SLIT2: variants seen among roughly 807,000 people sequenced by gnomAD.
SLIT2 encodes slit homolog 2 protein.
A neutral mutation model predicts 185.7 loss-of-function variants in SLIT2; 41 were observed. The observed-to-expected ratio is 0.22, with a 90% CI of 0.17 to 0.29. SLIT2 has a LOEUF of 0.29. Ranked by LOEUF, SLIT2 falls within the 10% of genes least tolerant of loss-of-function variation. The pLI is 1.00. For synonymous variants in SLIT2, 693 were observed against 680.2 expected, an observed-to-expected ratio of 1.02 and a Z score of -0.29; for missense variants, 1,571 against 1,909.0, an observed-to-expected ratio of 0.82 and a Z score of 3.30.
intron 4 of SLIT2, among the ~76,000 whole-genome samples, chr4:20,377,322 A>G (rs1039337467): frequency 6.6e-6 from 1 of 152,186 alleles, no homozygotes; most frequent in East Asian, 1.9e-4. Flanking sequence ...GAAAGTGAAT[A>G]CATCTATTAA....
At chr4:20,423,578 T>TC (rs1728325361) in intron 4 of SLIT2, among the ~76,000 whole-genome samples, 1 of 152,110 alleles carries the variant, frequency 6.6e-6, no homozygotes, top group Admixed American at 6.6e-5. Context: ...GGAGAAGTGG[T>TC]AGAATTCTCA....
intron 4 of SLIT2, among the ~76,000 whole-genome samples, chr4:20,451,726 T>C (rs1712498820): frequency 6.6e-6 from 1 of 152,234 alleles, no homozygotes; most frequent in Admixed American, 6.5e-5. Context: ...AAGTGCCTTT[T>C]TGGAACAGTA....
At chr4:20,604,838 A>ATTT (rs780230047) in intron 33 of SLIT2, among the ~76,000 whole-genome samples, 1 of 141,908 alleles carries the variant, frequency 7.0e-6, no homozygotes, top group Non-Finnish European at 1.5e-5. Context: ...AGATACTTTA[A>ATTT]TTTTTTTTTT....
Position 20,511,764 on chromosome 4 carries a change from T to C in SLIT2, c.1058+627T>C, listed in dbSNP as rs149959930. 4.7e-3 allele frequency among the ~76,000 whole-genome samples: 718 copies of C among 151,738 alleles called. 9 individuals carry two copies. Among genetic ancestry groups the C allele is most frequent in the Admixed American group, 8.9e-3 (135 of 15,212 alleles). Reference sequence around the variant, plus strand: ...TTCTAAAAGAAAAAGAAAATATTTATTTTGGAAAGCATGTAGCTAGTATCT... The same window carrying C: ...TTCTAAAAGAAAAAGAAAATATTTACTTTGGAAAGCATGTAGCTAGTATCT... On this transcript the variant is annotated intron_variant, in intron 11 of 36. Coordinates refer to ENST00000504154, the MANE Select transcript of SLIT2 (RefSeq NM_004787.4).
At chr4:20,362,945 G>A (rs1405410800) in intron 4 of SLIT2, among the ~76,000 whole-genome samples, 1 of 151,376 alleles carries the variant, frequency 6.6e-6, no homozygotes, top group East Asian at 1.9e-4. Context: ...TTTAAAAAAG[G>A]GATTTTAATG....
intron 4 of SLIT2, among the ~76,000 whole-genome samples, chr4:20,457,410 T>C (rs1713195530): frequency 6.6e-6 from 1 of 151,884 alleles, no homozygotes; most frequent in African/African-American, 2.4e-5. Context: ...AGTAGGAGGA[T>C]TAACCAATTA....
chr4:20,358,956 T>C (rs148654682), intron 4 of SLIT2, among the ~76,000 whole-genome samples: 45 of 152,230 alleles, frequency 3.0e-4, no homozygotes, highest in Admixed American at 2.6e-3. Context: ...TTTTGGGTTC[T>C]TAACATAAAT....
At chr4:20,583,391 T>C (rs1373983787) in intron 29 of SLIT2, among the ~76,000 whole-genome samples, 1 of 152,198 alleles carries the variant, frequency 6.6e-6, no homozygotes, top group Non-Finnish European at 1.5e-5. Flanking sequence ...GTAGAATAGT[T>C]CTAAAACTAT....
At chr4:20,492,929 A>C (rs1158784939) in intron 9 of SLIT2, among the ~76,000 whole-genome samples, 1 of 152,218 alleles carries the variant, frequency 6.6e-6, no homozygotes, top group Non-Finnish European at 1.5e-5. Context: ...AGAGCTTTGC[A>C]GTATAAGACA....
intron 4 of SLIT2, among the ~76,000 whole-genome samples, chr4:20,458,296 G>A (rs1713314310): frequency 1.3e-5 from 2 of 152,050 alleles, no homozygotes; most frequent in Non-Finnish European, 2.9e-5. Flanking sequence ...TGCCTTTAAT[G>A]GGGCTTCCTA....
intron 4 of SLIT2, among the ~76,000 whole-genome samples, chr4:20,272,599 G>A (rs977204322): frequency 6.6e-6 from 1 of 152,072 alleles, no homozygotes; most frequent in Non-Finnish European, 1.5e-5. Flanking sequence ...AATTTCATTG[G>A]TAGTACTGCG....
At chr4:20,546,235 G>A (rs1034529785) in intron 22 of SLIT2, 136 bp downstream of exon 22, 5 of 515,542 alleles carry the variant, frequency 9.7e-6, no homozygotes, top group African/African-American at 4.0e-5. Flanking sequence ...TGCTCATTGC[G>A]GTTCTGGACC....
chr4:20,432,028 A>T (rs910574198), intron 4 of SLIT2, among the ~76,000 whole-genome samples: 7 of 148,168 alleles, frequency 4.7e-5, no homozygotes, highest in South Asian at 2.1e-4. Flanking sequence ...TGTGTGTGTG[A>T]GAGAGAGAGA....
intron 4 of SLIT2, among the ~76,000 whole-genome samples, chr4:20,325,280 A>G (rs1456044641): frequency 6.6e-6 from 1 of 151,448 alleles, no homozygotes; most frequent in African/African-American, 2.4e-5. Flanking sequence ...ACTCAGAAAA[A>G]TGTTCTTGGA....
intron 9 of SLIT2, among the ~76,000 whole-genome samples, chr4:20,508,319 T>C (rs1203556529): frequency 6.6e-6 from 1 of 151,954 alleles, no homozygotes; most frequent in Non-Finnish European, 1.5e-5. Context: ...AAGGAAAGGA[T>C]TTAAAAGGAG....
At chr4:20,349,377 A>G (rs1035326624) in intron 4 of SLIT2, among the ~76,000 whole-genome samples, 28 of 152,214 alleles carry the variant, frequency 1.8e-4, no homozygotes, top group Non-Finnish European at 2.6e-4. Context: ...ATTGGGCTGT[A>G]CAGAACGTCT....
At chr4:20,310,820 G>A (rs1718040027) in intron 4 of SLIT2, among the ~76,000 whole-genome samples, 1 of 152,306 alleles carries the variant, frequency 6.6e-6, no homozygotes, top group East Asian at 1.9e-4. Context: ...TTCTGAGAGA[G>A]TTTATCACAG....
At chr4:20,278,845 C>T (rs569944222) in intron 4 of SLIT2, among the ~76,000 whole-genome samples, 6 of 151,080 alleles carry the variant, frequency 4.0e-5, no homozygotes, top group African/African-American at 1.2e-4. Context: ...GAGGGGGAAG[C>T]GAGAGGTGGG....
chr4:20,357,411 C>T (rs1442650228), intron 4 of SLIT2, among the ~76,000 whole-genome samples: 1 of 152,066 alleles, frequency 6.6e-6, no homozygotes, highest in Non-Finnish European at 1.5e-5. Flanking sequence ...GCTATTTTCT[C>T]TTTTCATATT....
Sources: allele counts gnomAD v4.1 joint callset (sites outside exome capture counted in the v4.1 genomes callset), GRCh38; gene constraint gnomAD v4.1.1; transcripts MANE v1.5; gene names NCBI Gene and HGNC (gene_info 2026-07-23, HGNC 2026-07-21).